The following KIF26B variants were observed in gnomAD, a reference collection of about 807,000 sequenced individuals.
KIF26B encodes kinesin family member 26B.
KIF26B carries 63 observed loss-of-function variants against 151.2 expected under a neutral mutation model. That is an observed-to-expected ratio of 0.42 (90% CI 0.34 to 0.51). The LOEUF is 0.51. Among genes scored for constraint, KIF26B ranks in the 20% least tolerant of loss-of-function variants. The pLI, the probability that KIF26B is intolerant of heterozygous loss-of-function variation, is 0.07. For synonymous variants in KIF26B, 1,357 were observed against 1,262.1 expected (o/e 1.08, Z -1.59); for missense variants, 2,813 against 2,913.6 (o/e 0.97, Z 0.79).
At chr1:245,513,134 A>T (rs1660872010) in intron 4 of KIF26B, among the ~76,000 whole-genome samples, 1 of 150,704 alleles carries the variant, frequency 6.6e-6, no homozygotes, top group Non-Finnish European at 1.5e-5. Context: ...AAGCAACCCC[A>T]CCCTCCTCCA....
chr1:245,282,532 T>A (rs968553831), intron 2 of KIF26B, among the ~76,000 whole-genome samples: 1 of 152,184 alleles, frequency 6.6e-6, no homozygotes, highest in Non-Finnish European at 1.5e-5. Flanking sequence ...TATCCCCAAG[T>A]GTGTAGAACA....
intron 4 of KIF26B, among the ~76,000 whole-genome samples, chr1:245,489,079 G>C (rs538137746): frequency 4.1e-4 from 63 of 152,224 alleles, no homozygotes; most frequent in Admixed American, 2.7e-3. Context: ...TGCAAGACAT[G>C]GAACGGATAG....
chr1:245,363,752 C>A (rs1353837541), intron 2 of KIF26B, among the ~76,000 whole-genome samples: 3 of 152,220 alleles, frequency 2.0e-5, no homozygotes, highest in Non-Finnish European at 4.4e-5. Context: ...ACCGCATTTT[C>A]ATTAAAGACT....
rs1023545194 is a variant in KIF26B, at chr1:245,309,300, G to A, written c.466-57534G>A. ...TCAAACGTTGTTCTTGGGTGTGTCTGTGAACAAATAGCCCTCACTGGTGCA... is the reference window on the plus strand; with the variant it reads ...TCAAACGTTGTTCTTGGGTGTGTCTATGAACAAATAGCCCTCACTGGTGCA... On this transcript the variant is annotated intron_variant, in intron 2 of 14. Coordinates refer to ENST00000407071, the MANE Select transcript of KIF26B (RefSeq NM_018012.4). 6.6e-5 allele frequency among the ~76,000 whole-genome samples: 10 copies of A among 152,166 alleles called. 1 individual carries two copies. Among genetic ancestry groups the A allele is most frequent in the Non-Finnish European group, 1.3e-4 (9 of 68,034 alleles).
chr1:245,659,039 G>C (rs2044104105), intron 10 of KIF26B, among the ~76,000 whole-genome samples: 2 of 151,930 alleles, frequency 1.3e-5, no homozygotes, highest in Middle Eastern at 3.2e-3. Context: ...AGACCAGCCT[G>C]GGCAACATAG....
chr1:245,645,144 C>T (rs2103184441), intron 9 of KIF26B, among the ~76,000 whole-genome samples: 1 of 152,284 alleles, frequency 6.6e-6, no homozygotes, highest in Admixed American at 6.5e-5. Flanking sequence ...GACCCAAACA[C>T]CTCCCACCAG....
rs528808724 is a variant in KIF26B, at chr1:245,521,344, A to G, written c.1167-19423A>G. On this transcript the variant is annotated intron_variant, in intron 4 of 14. Coordinates refer to ENST00000407071, the MANE Select transcript of KIF26B (RefSeq NM_018012.4). ...TGACAGAGCGAGACTCCGTCTTAAA[A>G]AAAAAAAAAAAGCAATAAACAGAAT... is the stretch of plus-strand genomic sequence containing the variant. 6.6e-5 allele frequency among the ~76,000 whole-genome samples: 10 copies of G among 150,926 alleles called. No homozygotes were observed. In the South Asian group the frequency reaches 2.1e-3, roughly 32 times the overall value.
At chr1:245,446,321 G>A (rs1214794996) in intron 4 of KIF26B, among the ~76,000 whole-genome samples, 4 of 152,126 alleles carry the variant, frequency 2.6e-5, no homozygotes, top group Admixed American at 6.6e-5. Context: ...TGACCAAAAC[G>A]TTGTTCTGTG....
In KIF26B at chr1:245,703,021, A is replaced by AATC. The variant is rs1252836577; in HGVS notation, c.*416_*418dup. The AATC allele has an allele frequency of 5.9e-6, 1 of 169,830 alleles. No homozygotes were observed. The highest frequency in any genetic ancestry group is 2.4e-5 in the African/African-American group (1 of 42,226). 10.5% of individuals were successfully genotyped at this position (169,830 alleles called of 1,614,324 possible). A position where few individuals can be genotyped will look rare whatever the true frequency, so the allele number is the denominator to read the frequency against. ...AGAATGACTGATTAAGTGCCTTGCA[A>AATC]ATCTTTATTATTATCCAAACATTTA... On this transcript the variant is annotated 3_prime_UTR_variant, in exon 15 of 15. Coordinates refer to ENST00000407071, the MANE Select transcript of KIF26B (RefSeq NM_018012.4).
intron 9 of KIF26B, among the ~76,000 whole-genome samples, chr1:245,645,465 T>G (rs918639478): frequency 6.6e-6 from 1 of 152,200 alleles, no homozygotes; most frequent in African/African-American, 2.4e-5. Flanking sequence ...ATGGGCAAGT[T>G]GCTTAAGTTT....
intron 10 of KIF26B, among the ~76,000 whole-genome samples, chr1:245,666,114 C>T (rs1449690885): frequency 6.6e-6 from 1 of 151,634 alleles, no homozygotes; most frequent in Non-Finnish European, 1.5e-5. Flanking sequence ...AATTCTCCTC[C>T]CTCAGCCTCC....
At chr1:245,224,823 G>GGA (rs1373823864) in intron 2 of KIF26B, among the ~76,000 whole-genome samples, 1 of 152,170 alleles carries the variant, frequency 6.6e-6, no homozygotes, top group African/African-American at 2.4e-5. Context: ...TCCATGTAGT[G>GGA]GAGTAGAAAA....
At chr1:245,176,327 A>G (rs1463170168) in intron 2 of KIF26B, among the ~76,000 whole-genome samples, 3 of 152,112 alleles carry the variant, frequency 2.0e-5, no homozygotes, top group African/African-American at 7.2e-5. Flanking sequence ...CCTTCAAAAC[A>G]TATTTGTTTA....
chr1:245,199,509 C>T (rs1465709433), intron 2 of KIF26B, among the ~76,000 whole-genome samples: 2 of 151,304 alleles, frequency 1.3e-5, no homozygotes, highest in Admixed American at 6.6e-5. Flanking sequence ...TTGAGATGGC[C>T]TCTCTGTTGC....
At chr1:245,489,278 A>T (rs1025282734) in intron 4 of KIF26B, among the ~76,000 whole-genome samples, 43 of 152,242 alleles carry the variant, frequency 2.8e-4, no homozygotes, top group Non-Finnish European at 5.9e-5. Flanking sequence ...GGATAAGAGG[A>T]TGCAGCTTCA....
chr1:245,415,595 AT>A (rs1674397154), intron 3 of KIF26B, among the ~76,000 whole-genome samples: 1 of 152,146 alleles, frequency 6.6e-6, no homozygotes, highest in South Asian at 2.1e-4. Context: ...TATGATTGTA[AT>A]TGTTGAAGAA....
At chr1:245,207,413 G>A (rs1429872017) in intron 2 of KIF26B, among the ~76,000 whole-genome samples, 1 of 152,172 alleles carries the variant, frequency 6.6e-6, no homozygotes, top group Non-Finnish European at 1.5e-5. Flanking sequence ...TGGCTAACTT[G>A]AAAGACAACT....
chr1:245,439,561 A>G (rs1245561426), intron 4 of KIF26B, among the ~76,000 whole-genome samples: 2 of 152,180 alleles, frequency 1.3e-5, no homozygotes, highest in African/African-American at 4.8e-5. Context: ...AGGGCTCAAG[A>G]TAAGAAAGTA....
At chr1:245,569,492 C>T (rs1282948237) in intron 5 of KIF26B, among the ~76,000 whole-genome samples, 1 of 152,126 alleles carries the variant, frequency 6.6e-6, no homozygotes, top group African/African-American at 2.4e-5. Flanking sequence ...CACCTGTAAT[C>T]CCAGCTACTC....
Sources: allele counts gnomAD v4.1 joint callset (sites outside exome capture counted in the v4.1 genomes callset), GRCh38; gene constraint gnomAD v4.1.1; transcripts MANE v1.5; gene names NCBI Gene and HGNC (gene_info 2026-07-23, HGNC 2026-07-21).